TMEM266: variants seen among roughly 807,000 people sequenced by gnomAD.
TMEM266 encodes the protein Hv1 related protein 1.
Under a neutral mutation model 50.5 loss-of-function variants are expected in TMEM266, and 33 were observed. The ratio of observed to expected loss-of-function variants is 0.65; its 90% CI spans 0.50 to 0.87. The LOEUF is 0.87. TMEM266 is among the 40% of genes least tolerant of loss of function. The pLI is 0.00. For synonymous variants in TMEM266, 310 were observed against 292.3 expected (o/e 1.06, Z -0.62); for missense variants, 655 against 695.1 (o/e 0.94, Z 0.65).
At chr15:76,073,233 CTTTT>C (rs57465474) in intron 1 of TMEM266, among the ~76,000 whole-genome samples, 1 of 135,110 alleles carries the variant, frequency 7.4e-6, no homozygotes, top group Non-Finnish European at 1.6e-5. Flanking sequence ...GCCCGGCCTT[CTTTT>C]TTTTTTTTTT....
At chr15:76,190,558 A>AG (rs1256131359) in intron 8 of TMEM266, among the ~76,000 whole-genome samples, 1 of 146,594 alleles carries the variant, frequency 6.8e-6, no homozygotes, top group Non-Finnish European at 1.5e-5. Context: ...AGGTGGAGGG[A>AG]GGCGGGACAG....
rs2038124678 is a variant in TMEM266, at chr15:76,168,027, T to C, written c.457-1789T>C. On this transcript the variant is annotated intron_variant, in intron 5 of 10. Transcript: ENST00000388942. The surrounding 1 kb of genome is among the most constrained non-coding windows in gnomAD (Gnocchi z 4.4). ...TTATTCTCATAAATAGGAAGGATTA[T>C]AACATGTAACCCACCTCTCTGGCAG... Among the ~76,000 whole-genome samples the C allele has an allele frequency of 6.6e-6, 1 of 152,234 alleles. No homozygotes were observed. Among genetic ancestry groups the C allele is most frequent in the African/African-American group, 2.4e-5 (1 of 41,458 alleles).
At chr15:76,081,126 T>G (rs1018889262) in intron 1 of TMEM266, among the ~76,000 whole-genome samples, 4 of 152,156 alleles carry the variant, frequency 2.6e-5, no homozygotes, top group Non-Finnish European at 4.4e-5. Context: ...CTATAATCAC[T>G]CTCTCTGGTT....
chr15:76,193,043 A>G (rs913893889), intron 9 of TMEM266, among the ~76,000 whole-genome samples: 5 of 152,178 alleles, frequency 3.3e-5, no homozygotes, highest in African/African-American at 4.8e-5. Context: ...CTGGGGAGGC[A>G]AGAGGCCTGA....
chr15:76,091,958 T>TA (rs1248480098), intron 1 of TMEM266, among the ~76,000 whole-genome samples: 1 of 151,632 alleles, frequency 6.6e-6, no homozygotes, highest in Non-Finnish European at 1.5e-5. Context: ...GCCACTGCAC[T>TA]ACAGCCTGGC....
intron 1 of TMEM266, among the ~76,000 whole-genome samples, chr15:76,079,008 C>G (rs958485271): frequency 3.3e-5 from 5 of 152,238 alleles, no homozygotes; most frequent in Admixed American, 6.5e-5. Flanking sequence ...TCCATAATCA[C>G]TCTGGTTACC....
chr15:76,170,884 G>A (rs2038177087), intron 6 of TMEM266, 109 bp from the exon 7 acceptor site: 1 of 1,388,500 alleles, frequency 7.2e-7, no homozygotes, highest in Non-Finnish European at 9.7e-7. Context: ...TTCTGGTGGG[G>A]GCCCGGGCTG....
chr15:76,097,586 T>C (rs1040921982), intron 1 of TMEM266, among the ~76,000 whole-genome samples: 1 of 151,986 alleles, frequency 6.6e-6, no homozygotes, highest in Non-Finnish European at 1.5e-5. Flanking sequence ...GGGGTTGCTC[T>C]TCTTGAGGAG....
At chr15:76,071,863 T>G (rs756568715) in intron 1 of TMEM266, among the ~76,000 whole-genome samples, 1 of 152,054 alleles carries the variant, frequency 6.6e-6, no homozygotes, top group Non-Finnish European at 1.5e-5. Flanking sequence ...GGAGGAGCTT[T>G]GAACTGGGTG....
chr15:76,111,652 C>T (rs1461885453), intron 1 of TMEM266, among the ~76,000 whole-genome samples: 2 of 150,148 alleles, frequency 1.3e-5, no homozygotes, highest in Non-Finnish European at 3.0e-5. Context: ...AGGTGATCCA[C>T]CCGCCTCAGC....
At chr15:76,187,698 G>A (rs2038508665) in intron 8 of TMEM266, among the ~76,000 whole-genome samples, 2 of 152,228 alleles carry the variant, frequency 1.3e-5, no homozygotes, top group African/African-American at 4.8e-5. Context: ...TCTGTGACCA[G>A]CATCGGGCTC....
intron 1 of TMEM266, among the ~76,000 whole-genome samples, chr15:76,090,110 G>A (rs2036828860): frequency 6.6e-6 from 1 of 152,196 alleles, no homozygotes. Flanking sequence ...TGAAATCATA[G>A]TGCTAGATGA....
chr15:76,063,398 C>G (rs1432351261), intron 1 of TMEM266, among the ~76,000 whole-genome samples: 1 of 152,220 alleles, frequency 6.6e-6, no homozygotes, highest in Non-Finnish European at 1.5e-5. Flanking sequence ...CCATAGTTCT[C>G]TGGCCTCCCA....
At chr15:76,071,266 G>A (rs2036535537) in intron 1 of TMEM266, among the ~76,000 whole-genome samples, 1 of 152,206 alleles carries the variant, frequency 6.6e-6, no homozygotes, top group Non-Finnish European at 1.5e-5. Flanking sequence ...GGGATATTTT[G>A]TGAAGATGCT....
intron 1 of TMEM266, among the ~76,000 whole-genome samples, chr15:76,092,296 A>C: frequency 6.6e-6 from 1 of 152,086 alleles, no homozygotes; most frequent in African/African-American, 2.4e-5. Flanking sequence ...AAGCATGCTA[A>C]ACTTTGTATA....
In TMEM266 at chr15:76,160,766, G is replaced by A. The variant is rs372510915; in HGVS notation, c.456+598G>A. Among the ~76,000 whole-genome samples the A allele has an allele frequency of 1.2e-4, 19 of 152,196 alleles. No homozygotes were observed. Among genetic ancestry groups the A allele is most frequent in the African/African-American group, 3.4e-4 (14 of 41,454 alleles). On this transcript the variant is annotated intron_variant, in intron 5 of 10. Coordinates refer to ENST00000388942, the MANE Select transcript of TMEM266 (RefSeq NM_152335.3). The surrounding 1 kb of genome is among the most constrained non-coding windows in gnomAD (Gnocchi z 5.7). ...GGGGGCTCAGGGAGCACGGATCGCCGTCAGCGTTGCTGGAGTCGGCTAGTA... is the reference window on the plus strand; with the variant it reads ...GGGGGCTCAGGGAGCACGGATCGCCATCAGCGTTGCTGGAGTCGGCTAGTA...
intron 3 of TMEM266, among the ~76,000 whole-genome samples, chr15:76,144,175 TC>T (rs1172358651): frequency 6.6e-6 from 1 of 151,950 alleles, no homozygotes; most frequent in Non-Finnish European, 1.5e-5. Context: ...ATACGTATTT[TC>T]TAGGACCCCT....
intron 1 of TMEM266, among the ~76,000 whole-genome samples, chr15:76,089,119 A>AAAAAG (rs2036814526): frequency 7.3e-6 from 1 of 137,448 alleles, no homozygotes; most frequent in South Asian, 2.4e-4. Context: ...AAAAAAGAGG[A>AAAAAG]AAAAGAAAAG....
intron 8 of TMEM266, among the ~76,000 whole-genome samples, chr15:76,179,027 G>C (rs555142637): frequency 6.6e-6 from 1 of 152,324 alleles, no homozygotes; most frequent in Non-Finnish European, 1.5e-5. Context: ...CCTGGTTTGA[G>C]ACTTGACTGG....
Sources: gnomAD v4.1 joint callset for allele counts (sites outside exome capture counted in the v4.1 genomes callset) on GRCh38, gnomAD v4.1.1 for gene constraint, Gnocchi (gnomAD v3.1) non-coding constraint, MANE v1.5 for transcripts, NCBI Gene and HGNC (gene_info 2026-07-23, HGNC 2026-07-21) for gene names.